BAIAP2L1: variants seen among roughly 807,000 people sequenced by gnomAD.
BAIAP2L1 encodes the protein BAR/IMD domain containing adaptor protein 2 like 1, also known as BAR/IMD domain-containing adapter protein 2-like 1.
BAIAP2L1 carries 35 observed loss-of-function variants against 66.3 expected under a neutral mutation model. The ratio of observed to expected loss-of-function variants is 0.53; its 90% CI spans 0.40 to 0.70. The LOEUF (loss-of-function observed/expected upper bound fraction) is 0.70, where lower values mean the gene tolerates loss of function less well. BAIAP2L1 is among the 30% of genes least tolerant of loss of function. The pLI is 0.00. For synonymous variants in BAIAP2L1, 269 were observed against 248.7 expected (o/e 1.08, Z -0.77); for missense variants, 622 against 656.9 (o/e 0.95, Z 0.58).
intron 1 of BAIAP2L1, among the ~76,000 whole-genome samples, chr7:98,396,780 C>A (rs6465683): frequency 0.38 from 57,636 of 152,048 alleles, 12,434 homozygotes; most frequent in Middle Eastern, 0.54. Context: ...AAAGCAAGAC[C>A]CTGTCTCAAA....
At chr7:98,397,219 G>C (rs1187277935) in intron 1 of BAIAP2L1, among the ~76,000 whole-genome samples, 1 of 146,990 alleles carries the variant, frequency 6.8e-6, no homozygotes, top group Non-Finnish European at 1.5e-5. Flanking sequence ...ACACTGAAAG[G>C]CTTCTGTGAT....
chr7:98,355,277 G>A, intron 2 of BAIAP2L1, 149 bp from the exon 3 acceptor site: 2 of 645,202 alleles, frequency 3.1e-6, no homozygotes, highest in Non-Finnish European at 5.7e-6. Flanking sequence ...TAAGACCTGT[G>A]TTGAGAGTGG....
chr7:98,349,442 A>G (rs1046223176), intron 3 of BAIAP2L1, among the ~76,000 whole-genome samples: 5 of 152,140 alleles, frequency 3.3e-5, no homozygotes, highest in African/African-American at 1.2e-4. Flanking sequence ...GATTTCCACT[A>G]TCCTTACCCC....
At chr7:98,394,733 T>C (rs1489987792) in intron 1 of BAIAP2L1, among the ~76,000 whole-genome samples, 1 of 152,204 alleles carries the variant, frequency 6.6e-6, no homozygotes, top group African/African-American at 2.4e-5. Flanking sequence ...CCTGTGTCTC[T>C]ATCCAAGAGA....
At chr7:98,345,592 G>C (rs1286146492) in intron 3 of BAIAP2L1, among the ~76,000 whole-genome samples, 1 of 152,064 alleles carries the variant, frequency 6.6e-6, no homozygotes, top group Non-Finnish European at 1.5e-5. Flanking sequence ...GGGTGTGGTG[G>C]GGGGGTACTG....
intron 1 of BAIAP2L1, among the ~76,000 whole-genome samples, chr7:98,395,907 TC>T (rs1384731323): frequency 7.2e-5 from 11 of 152,078 alleles, no homozygotes; most frequent in African/African-American, 2.7e-4. Context: ...GTGCATGTGG[TC>T]CCAGCTACAT....
At chr7:98,400,206 C>T (rs1228002578) in intron 1 of BAIAP2L1, 1 of 140,638 alleles carries the variant, frequency 7.1e-6, no homozygotes, top group African/African-American at 2.7e-5. Flanking sequence ...TGTAGCTGGT[C>T]AGGGGATGGG....
rs531177927 is a variant in BAIAP2L1, at chr7:98,364,986, C to CAAAAAAAAAAAAAAA, written c.52-2569_52-2555dup. On this transcript the variant is annotated intron_variant, in intron 1 of 13. Transcript: ENST00000005260. The stretch of plus-strand genomic sequence containing the variant: ...TGGGTGACAGAGTGAGGATATGTCT[C>CAAAAAAAAAAAAAAA]AAAAAAAAAAAAAAAAAAAAAAAAA... Among the ~76,000 whole-genome samples the CAAAAAAAAAAAAAAA allele has an allele frequency of 4.2e-4, 13 of 30,782 alleles. 3 individuals carry two copies. Among genetic ancestry groups the CAAAAAAAAAAAAAAA allele is most frequent in the Non-Finnish European group, 5.4e-4 (10 of 18,654 alleles). The allele number at this position is 30,782 out of a possible 152,430, so 20.2% of individuals were successfully genotyped here. A position where few individuals can be genotyped will look rare whatever the true frequency, so the allele number is the denominator to read the frequency against.
intron 1 of BAIAP2L1, among the ~76,000 whole-genome samples, chr7:98,391,350 T>C (rs565550984): frequency 6.6e-6 from 1 of 152,306 alleles, no homozygotes; most frequent in South Asian, 2.1e-4. Context: ...ATCTCATTTA[T>C]ATGCATCTCA....
At chr7:98,349,276 A>T (rs1370144284) in intron 3 of BAIAP2L1, among the ~76,000 whole-genome samples, 1 of 152,212 alleles carries the variant, frequency 6.6e-6, no homozygotes, top group Non-Finnish European at 1.5e-5. Flanking sequence ...TGAGGATGAA[A>T]TGAGACAACA....
At chr7:98,337,240 T>TC (rs1801635771) in intron 3 of BAIAP2L1, among the ~76,000 whole-genome samples, 1 of 151,948 alleles carries the variant, frequency 6.6e-6, no homozygotes. Context: ...ATACCATTTT[T>TC]TTTTTTTTTT....
intron 2 of BAIAP2L1, among the ~76,000 whole-genome samples, chr7:98,359,148 G>A (rs1487309323): frequency 3.9e-5 from 6 of 152,198 alleles, no homozygotes; most frequent in Non-Finnish European, 8.8e-5. Context: ...GAACTGCCCT[G>A]CCTTATAGGA....
chr7:98,378,281 G>A (rs1802679281), intron 1 of BAIAP2L1, among the ~76,000 whole-genome samples: 1 of 152,136 alleles, frequency 6.6e-6, no homozygotes, highest in Non-Finnish European at 1.5e-5. Context: ...TAGTTTCCTG[G>A]TGTGTTTTAG....
chr7:98,343,604 G>T (rs754101098), intron 3 of BAIAP2L1, among the ~76,000 whole-genome samples: 3 of 152,182 alleles, frequency 2.0e-5, no homozygotes, highest in Non-Finnish European at 4.4e-5. Flanking sequence ...TACTGTGGTT[G>T]TTAGGATTAT....
At chr7:98,394,635 A>C (rs1803157532) in intron 1 of BAIAP2L1, among the ~76,000 whole-genome samples, 1 of 152,206 alleles carries the variant, frequency 6.6e-6, no homozygotes, top group South Asian at 2.1e-4. Context: ...TGCTGGTGGA[A>C]TGGCAACTGG....
At chr7:98,336,143 A>AG (rs1002028870) in intron 3 of BAIAP2L1, among the ~76,000 whole-genome samples, 4 of 116,828 alleles carry the variant, frequency 3.4e-5, no homozygotes, top group South Asian at 2.8e-4. Flanking sequence ...GGGGACTATG[A>AG]GGGGGGGTGG....
At chr7:98,397,121 T>C (rs1176216525) in intron 1 of BAIAP2L1, among the ~76,000 whole-genome samples, 1 of 152,020 alleles carries the variant, frequency 6.6e-6, no homozygotes, top group African/African-American at 2.4e-5. Context: ...GGTAGTGTTA[T>C]GGGGGAAGGT....
At chr7:98,318,358 G>C (rs75232936) in intron 5 of BAIAP2L1, among the ~76,000 whole-genome samples, 1 of 152,176 alleles carries the variant, frequency 6.6e-6, no homozygotes, top group African/African-American at 2.4e-5. Flanking sequence ...AGCTGAGATC[G>C]CGCCACTGCA....
rs1420342221 is a variant in BAIAP2L1 at position 98,292,439 on chromosome 7, G to T, written c.*1082C>A. ...TCCCCCTGCCTCGGCCTCACAAAAT[G>T]CTGGGATTCCCGTACCTGGGCCGGG... On this transcript the variant is annotated 3_prime_UTR_variant, in exon 14 of 14. Transcript: ENST00000005260. 2 of 584,040 alleles carry T rather than the reference G, an allele frequency of 3.4e-6. No individual in the cohort carries two copies. Among genetic ancestry groups the T allele is most frequent in the Non-Finnish European group, 6.0e-6 (2 of 330,974 alleles). 36.2% of individuals were successfully genotyped at this position (584,040 alleles called of 1,614,324 possible).
Sources: gnomAD v4.1 joint callset for allele counts (sites outside exome capture counted in the v4.1 genomes callset) on GRCh38, gnomAD v4.1.1 for gene constraint, MANE v1.5 for transcripts, NCBI Gene and HGNC (gene_info 2026-07-23, HGNC 2026-07-21) for gene names.